The following ZNF846 variants were observed in gnomAD, a reference collection of about 807,000 sequenced individuals.
The protein encoded by ZNF846 is zinc finger protein 846, also known as zinc finger protein 420 pseudogene.
In ZNF846, 15 loss-of-function variants were observed where a neutral mutation model predicts 16.0. That is an observed-to-expected ratio of 0.94 (90% CI 0.63 to 1.45). The LOEUF (loss-of-function observed/expected upper bound fraction) is 1.45. ZNF846 is among the 40% of genes most tolerant of loss of function. ZNF846 has a pLI of 0.00. For missense variants in ZNF846, 714 were observed against 622.3 expected, an observed-to-expected ratio of 1.15 and a Z score of -1.57; for synonymous variants, 229 against 212.0, an observed-to-expected ratio of 1.08 and a Z score of -0.70.
In ZNF846 at chr19:9,783,547, AT is replaced by A. The variant is rs1478658871; in HGVS notation, c.-86+2390del. On this transcript the variant is annotated intron_variant, in intron 1 of 4. Transcript: ENST00000586814. ...TCACTAAAAAAAAAAAAAAAAAAAT[AT>A]ATATATATATATATATATTCTTTAA... 1.3e-4 allele frequency among the ~76,000 whole-genome samples: 17 copies of A among 132,398 alleles called. No homozygotes were observed. The East Asian group carries it at 1.6e-3, about 13-fold the overall frequency. The allele number at this position is 132,398 out of a possible 152,430, so 86.9% of individuals were successfully genotyped here.
At chr19:9,780,246 T>A (rs550648259) in intron 1 of ZNF846, among the ~76,000 whole-genome samples, 1 of 151,304 alleles carries the variant, frequency 6.6e-6, no homozygotes, top group East Asian at 1.9e-4. Flanking sequence ...CAGGCTGGAG[T>A]GGAGTGGTCA....
chr19:9,760,179 G>C (rs1599386078), intron 4 of ZNF846, among the ~76,000 whole-genome samples: 1 of 151,122 alleles, frequency 6.6e-6, no homozygotes, highest in East Asian at 1.9e-4. Flanking sequence ...TGTAATCCCA[G>C]CTACTCAGGA....
chr19:9,774,615 T>A (rs369961905), intron 1 of ZNF846: 1 of 1,492,250 alleles, frequency 6.7e-7, no homozygotes, highest in Non-Finnish European at 9.3e-7. Flanking sequence ...GGGCTTATTG[T>A]TCCTGACAAC....
chr19:9,762,256 G>T (rs1237799962), intron 3 of ZNF846, 88 bp from the exon 4 acceptor site: 2 of 920,026 alleles, frequency 2.2e-6, no homozygotes, highest in Non-Finnish European at 3.5e-6. Flanking sequence ...TGCCTTCGGG[G>T]ATTCTAAAGA....
intron 1 of ZNF846, among the ~76,000 whole-genome samples, chr19:9,782,560 G>A (rs1426200553): frequency 6.6e-6 from 1 of 152,144 alleles, no homozygotes; most frequent in East Asian, 1.9e-4. Flanking sequence ...ACCATGCCCA[G>A]CCAGCTTTCT....
At chr19:9,784,710 C>T (rs943915408) in intron 1 of ZNF846, among the ~76,000 whole-genome samples, 3 of 152,098 alleles carry the variant, frequency 2.0e-5, no homozygotes, top group Non-Finnish European at 4.4e-5. Flanking sequence ...GGACAATACC[C>T]GGGCTTTCTT....
chr19:9,748,683 C>T (rs926847560), downstream of ZNF846, among the ~76,000 whole-genome samples: 15 of 148,696 alleles, frequency 1.0e-4, no homozygotes, highest in Non-Finnish European at 1.5e-5. Context: ...TAAAAACATA[C>T]CTCACCAAGC....
At chr19:9,777,441 G>C (rs2045457715) in intron 1 of ZNF846, among the ~76,000 whole-genome samples, 1 of 152,046 alleles carries the variant, frequency 6.6e-6, no homozygotes, top group African/African-American at 2.4e-5. Flanking sequence ...TGGAGGTCGA[G>C]GTGGGCAGAT....
At chr19:9,754,769 A>G (rs2045117826), downstream of ZNF846, among the ~76,000 whole-genome samples, 1 of 149,948 alleles carries the variant, frequency 6.7e-6, no homozygotes, top group Non-Finnish European at 1.5e-5. Context: ...TTCCTACATT[A>G]CTGCCTTTTT....
At chr19:9,775,074 C>T in intron 1 of ZNF846, 1 of 896,732 alleles carries the variant, frequency 1.1e-6, no homozygotes, top group Non-Finnish European at 1.7e-6. Context: ...CTGACATTCA[C>T]TTGTGGCAGT....
chr19:9,768,849 G>A (rs1168267364), upstream of ZNF846: 2 of 152,230 alleles, frequency 1.3e-5, no homozygotes, highest in Admixed American at 1.3e-4. Flanking sequence ...AGAAGAGCTG[G>A]GGCCACCTCT....
downstream of ZNF846, among the ~76,000 whole-genome samples, chr19:9,757,184 G>A (rs1240709777): frequency 6.7e-6 from 1 of 149,738 alleles, no homozygotes; most frequent in Admixed American, 6.6e-5. Flanking sequence ...GAGAGAGAGA[G>A]ACTCTGTCTC....
In ZNF846 at chr19:9,765,055, C is replaced by T; in HGVS notation, c.-85-20G>A. 4 of 1,256,750 alleles carry T rather than the reference C, an allele frequency of 3.2e-6. No homozygotes were observed. The South Asian group carries it at 4.8e-5, about 15-fold the overall frequency. The allele number at this position is 1,256,750 out of a possible 1,614,324, so 77.8% of individuals were successfully genotyped here. ...AATGACCTTTGGAAAAGAATAATGG[C>T]ATGTCAGTTGGATACATCAAAGAAA... On this transcript the variant is annotated intron_variant, in intron 1 of 5. Coordinates refer to ENST00000397902, the Ensembl canonical transcript of ZNF846.
chr19:9,765,491 T>C (rs1255808199), intron 1 of ZNF846, among the ~76,000 whole-genome samples: 1 of 152,046 alleles, frequency 6.6e-6, no homozygotes, highest in African/African-American at 2.4e-5. Flanking sequence ...GCTAACACAG[T>C]GAAACCCCGT....
chr19:9,755,719 G>T (rs924569008), downstream of ZNF846: 1 of 122,328 alleles, frequency 8.2e-6, no homozygotes, highest in African/African-American at 3.0e-5. Flanking sequence ...AGAATGGCGT[G>T]AACCCGGGAG....
upstream of ZNF846, chr19:9,786,124 G>C (rs989452915): frequency 2.0e-5 from 3 of 151,884 alleles, no homozygotes; most frequent in African/African-American, 7.3e-5. Flanking sequence ...CGCAACTCTG[G>C]GGAGAAGTCT....
downstream of ZNF846, among the ~76,000 whole-genome samples, chr19:9,749,076 A>G (rs2045065052): frequency 6.6e-6 from 1 of 152,126 alleles, no homozygotes; most frequent in Non-Finnish European, 1.5e-5. Flanking sequence ...TGGGTTCACC[A>G]TTCCAGAATA....
chr19:9,767,857 C>G (rs115962140), intron 1 of ZNF846, among the ~76,000 whole-genome samples: 5,529 of 152,122 alleles, frequency 0.036, 353 homozygotes, highest in African/African-American at 0.13. Flanking sequence ...TCGCTTGGAC[C>G]GGGAGACAGA....
At chr19:9,751,079 C>T (rs114308949), downstream of ZNF846, among the ~76,000 whole-genome samples, 11 of 152,158 alleles carry the variant, frequency 7.2e-5, no homozygotes, top group Non-Finnish European at 1.5e-4. Context: ...TTCTTCCAAT[C>T]GTTAGTTCTC....
Sources: gnomAD v4.1 joint callset for allele counts (sites outside exome capture counted in the v4.1 genomes callset) on GRCh38, gnomAD v4.1.1 for gene constraint, MANE v1.5 for transcripts, NCBI Gene and HGNC (gene_info 2026-07-23, HGNC 2026-07-21) for gene names.